NEBL: variants seen among roughly 807,000 people sequenced by gnomAD.
NEBL encodes the protein nebulette.
In NEBL, 122 loss-of-function variants were observed where a neutral mutation model predicts 140.2. That is an observed-to-expected ratio of 0.87 (90% CI 0.75 to 1.01). The LOEUF (loss-of-function observed/expected upper bound fraction) is 1.01. Ranked by LOEUF, NEBL falls within the 50% of genes least tolerant of loss-of-function variation. NEBL has a pLI of 0.00. For missense variants in NEBL, 1,365 were observed against 1,231.3 expected (o/e 1.11, Z -1.62); for synonymous variants, 436 against 398.9 (o/e 1.09, Z -1.11).
intron 2 of NEBL, among the ~76,000 whole-genome samples, chr10:21,139,798 A>G (rs2132092693): frequency 6.6e-6 from 1 of 152,244 alleles, no homozygotes; most frequent in South Asian, 2.1e-4. Context: ...TATGAAAGCC[A>G]CAGTATTAAT....
chr10:20,980,486 T>G (rs1836993038), intron 3 of NEBL, among the ~76,000 whole-genome samples: 1 of 152,194 alleles, frequency 6.6e-6, no homozygotes, highest in Admixed American at 6.5e-5. Context: ...TACAAACACC[T>G]GCAGTGCACA....
intron 3 of NEBL, among the ~76,000 whole-genome samples, chr10:21,184,112 C>T (rs1351478781): frequency 6.6e-6 from 1 of 152,128 alleles, no homozygotes; most frequent in Non-Finnish European, 1.5e-5. Context: ...AATACACAGG[C>T]CAAGCTTTTA....
intron 17 of NEBL, 66 bp from the exon 18 acceptor site, chr10:20,826,605 T>C (rs947477558): frequency 8.3e-7 from 1 of 1,209,920 alleles, no homozygotes; most frequent in Admixed American, 1.7e-5. Flanking sequence ...ATCCGCTTCT[T>C]AGAAAGACAA....
chr10:20,923,752 T>C (rs991838058), intron 4 of NEBL, among the ~76,000 whole-genome samples: 1 of 150,428 alleles, frequency 6.6e-6, no homozygotes, highest in Non-Finnish European at 1.5e-5. Context: ...TGATTTAATG[T>C]TGAAGCTGTC....
At chr10:20,955,299 G>A (rs1224515571) in intron 4 of NEBL, among the ~76,000 whole-genome samples, 1 of 152,222 alleles carries the variant, frequency 6.6e-6, no homozygotes, top group African/African-American at 2.4e-5. Context: ...TAAAACCAAA[G>A]TGGAGAATAT....
chr10:21,267,858 A>C (rs995879804), intron 1 of NEBL, among the ~76,000 whole-genome samples: 1 of 152,218 alleles, frequency 6.6e-6, no homozygotes, highest in South Asian at 2.1e-4. Context: ...TCAAAAGAAC[A>C]TTTTCATCAA....
intron 4 of NEBL, among the ~76,000 whole-genome samples, chr10:20,947,337 C>T (rs536357698): frequency 1.3e-5 from 2 of 152,198 alleles, no homozygotes; most frequent in South Asian, 2.1e-4. Context: ...CTTTGTCTGA[C>T]ATCCTCATAT....
chr10:20,852,944 C>T (rs557776583), intron 9 of NEBL, among the ~76,000 whole-genome samples: 3 of 152,228 alleles, frequency 2.0e-5, no homozygotes, highest in Admixed American at 1.3e-4. Flanking sequence ...GGAAAGCTAG[C>T]GCTAGGACAT....
chr10:20,879,067 G>A (rs888586030), intron 5 of NEBL, among the ~76,000 whole-genome samples: 1 of 152,072 alleles, frequency 6.6e-6, no homozygotes, highest in Admixed American at 6.6e-5. Flanking sequence ...TGGAAACTCG[G>A]GATTTCTCTG....
chr10:21,103,370 T>C lies in NEBL; in HGVS notation c.164+69013A>G, dbSNP rs879361333. On this transcript the variant is annotated intron_variant, in intron 2 of 6. Transcript: ENST00000417816. Reference sequence around the variant, plus strand: ...CTGGAACTACAGGCACCCGCCACCATGCCCGGCTAATTTTTTGTATTTCTC... The same window carrying C: ...CTGGAACTACAGGCACCCGCCACCACGCCCGGCTAATTTTTTGTATTTCTC... Among the ~76,000 whole-genome samples, 38 of 151,912 alleles carry C rather than the reference T, an allele frequency of 2.5e-4. 2 individuals are homozygous for C. The highest frequency in any genetic ancestry group is 2.4e-3 in the Admixed American group (37 of 15,238).
At chr10:20,869,026 T>C (rs1844636475) in intron 6 of NEBL, among the ~76,000 whole-genome samples, 1 of 152,158 alleles carries the variant, frequency 6.6e-6, no homozygotes, top group Admixed American at 6.5e-5. Flanking sequence ...TAATTATATA[T>C]AAATACTAAA....
At chr10:20,905,019 G>A (rs1307593654) in intron 4 of NEBL, among the ~76,000 whole-genome samples, 4 of 152,196 alleles carry the variant, frequency 2.6e-5, no homozygotes, top group African/African-American at 9.6e-5. Context: ...AGCTGTTTTT[G>A]TCATGTTTCT....
chr10:20,899,362 C>A (rs1414741013), upstream of NEBL: 1 of 1,294,870 alleles, frequency 7.7e-7, no homozygotes, highest in Non-Finnish European at 1.0e-6. Flanking sequence ...GACACCTATT[C>A]CCCAAGGTGA....
At chr10:21,064,773 AT>A (rs915662419) in intron 2 of NEBL, among the ~76,000 whole-genome samples, 13 of 152,298 alleles carry the variant, frequency 8.5e-5, no homozygotes, top group African/African-American at 3.1e-4. Context: ...AAACCAACCC[AT>A]TGTGTCTTAA....
At chr10:21,093,606 C>T (rs967522768) in intron 2 of NEBL, among the ~76,000 whole-genome samples, 1 of 152,152 alleles carries the variant, frequency 6.6e-6, no homozygotes, top group South Asian at 2.1e-4. Context: ...GGGGTCACAG[C>T]ATTTTAAGTG....
rs1241492553 is a variant in NEBL, at chr10:20,785,377, G to T, written c.*370C>A. 1 of 296,976 alleles carries T rather than the reference G, an allele frequency of 3.4e-6. No homozygotes were observed. Among genetic ancestry groups the T allele is most frequent in the Non-Finnish European group, 6.5e-6 (1 of 153,250 alleles). The allele number at this position is 296,976 out of a possible 1,614,324, so 18.4% of individuals were successfully genotyped here. A position where few individuals can be genotyped will look rare whatever the true frequency, so the allele number is the denominator to read the frequency against. ...ACAGAGTTAAGAGAATTGGCTTGGG[G>T]TGATTCCAAAGTGACAGCTAAGAAG... On this transcript the variant is annotated 3_prime_UTR_variant, in exon 28 of 28. Transcript: ENST00000377122.
intron 2 of NEBL, among the ~76,000 whole-genome samples, chr10:21,153,397 T>C (rs1218026322): frequency 6.6e-6 from 1 of 152,086 alleles, no homozygotes; most frequent in African/African-American, 2.4e-5. Context: ...CTCAGCTCAC[T>C]GCAACCTCCG....
At chr10:20,926,633 T>C (rs1335986388) in intron 4 of NEBL, among the ~76,000 whole-genome samples, 1 of 152,180 alleles carries the variant, frequency 6.6e-6, no homozygotes, top group East Asian at 1.9e-4. Context: ...CCCTCATTCA[T>C]TGGAATAGCC....
At chr10:21,077,582 G>A (rs1836160215) in intron 2 of NEBL, among the ~76,000 whole-genome samples, 1 of 151,850 alleles carries the variant, frequency 6.6e-6, no homozygotes, top group South Asian at 2.1e-4. Flanking sequence ...ACTCCAGCCT[G>A]GGCGACAGAG....
Sources: allele counts gnomAD v4.1 joint callset (sites outside exome capture counted in the v4.1 genomes callset), GRCh38; gene constraint gnomAD v4.1.1; transcripts MANE v1.5; gene names NCBI Gene and HGNC (gene_info 2026-07-23, HGNC 2026-07-21).